FSHR: variants seen among roughly 807,000 people sequenced by gnomAD.
The protein encoded by FSHR is follicle stimulating hormone receptor.
Under a neutral mutation model 52.1 loss-of-function variants are expected in FSHR, and 46 were observed. The ratio of observed to expected loss-of-function variants is 0.88; its 90% CI spans 0.70 to 1.13. FSHR has a LOEUF of 1.13. Ranked by LOEUF, FSHR falls within the 50% of genes most tolerant of loss-of-function variation. FSHR has a pLI of 0.00. For missense variants in FSHR, 964 were observed against 834.6 expected, an observed-to-expected ratio of 1.16 and a Z score of -1.91; for synonymous variants, 399 against 309.6, an observed-to-expected ratio of 1.29 and a Z score of -3.03.
intron 1 of FSHR, among the ~76,000 whole-genome samples, chr2:49,105,697 G>A (rs780056794): frequency 6.6e-5 from 10 of 152,174 alleles, no homozygotes; most frequent in Non-Finnish European, 1.3e-4. Context: ...GGACAAAGCA[G>A]TGCTGTCTTT....
chr2:49,086,127 A>T (rs1161110547), intron 1 of FSHR, among the ~76,000 whole-genome samples: 1 of 152,180 alleles, frequency 6.6e-6, no homozygotes, highest in African/African-American at 2.4e-5. Flanking sequence ...AAAAATATAG[A>T]AAGGTTTTCT....
chr2:49,065,600 T>G (rs1439721115), intron 2 of FSHR, among the ~76,000 whole-genome samples: 3 of 152,088 alleles, frequency 2.0e-5, no homozygotes, highest in Non-Finnish European at 2.9e-5. Flanking sequence ...ATTCCAGGTA[T>G]TTGCAGTTCA....
intron 4 of FSHR, among the ~76,000 whole-genome samples, chr2:49,006,388 A>C (rs1474558330): frequency 6.6e-6 from 1 of 151,966 alleles, no homozygotes; most frequent in Non-Finnish European, 1.5e-5. Context: ...TCTCTGCCTT[A>C]ATTTTTCTCC....
intron 9 of FSHR, among the ~76,000 whole-genome samples, chr2:48,967,990 A>G (rs1365614438): frequency 1.3e-5 from 2 of 152,240 alleles, no homozygotes; most frequent in Non-Finnish European, 2.9e-5. Context: ...CTTACCTCCA[A>G]TGGATCATTT....
chr2:49,095,314 A>G (rs1670782412), intron 1 of FSHR, among the ~76,000 whole-genome samples: 1 of 152,152 alleles, frequency 6.6e-6, no homozygotes, highest in African/African-American at 2.4e-5. Flanking sequence ...GAGTCCGGAA[A>G]TAAGCCCATC....
At chr2:49,009,402 G>C (rs371470532) in intron 4 of FSHR, among the ~76,000 whole-genome samples, 5 of 151,794 alleles carry the variant, frequency 3.3e-5, no homozygotes, top group Non-Finnish European at 5.9e-5. Flanking sequence ...GTTTTGGTAC[G>C]AGTACCATGC....
chr2:49,116,019 G>A (rs1671584608), intron 1 of FSHR, among the ~76,000 whole-genome samples: 1 of 152,108 alleles, frequency 6.6e-6, no homozygotes, highest in South Asian at 2.1e-4. Flanking sequence ...ATGTCATCAG[G>A]GCAGAGAAGA....
At chr2:49,079,461 A>G (rs1670081019) in intron 1 of FSHR, among the ~76,000 whole-genome samples, 1 of 152,158 alleles carries the variant, frequency 6.6e-6, no homozygotes, top group African/African-American at 2.4e-5. Flanking sequence ...GAAGTAGATC[A>G]AGATTGAGGG....
At chr2:49,088,515 G>C (rs34201686) in intron 1 of FSHR, among the ~76,000 whole-genome samples, 5 of 152,026 alleles carry the variant, frequency 3.3e-5, no homozygotes, top group African/African-American at 1.2e-4. Context: ...CCTTACTTTT[G>C]CTCTGTCAGT....
intron 1 of FSHR, among the ~76,000 whole-genome samples, chr2:49,077,914 C>A (rs543195512): frequency 6.6e-6 from 1 of 152,204 alleles, no homozygotes; most frequent in Non-Finnish European, 1.5e-5. Context: ...ATATCACTAT[C>A]AGCATTTTTG....
intron 4 of FSHR, among the ~76,000 whole-genome samples, chr2:49,003,469 C>T (rs1666976198): frequency 6.6e-6 from 1 of 152,162 alleles, no homozygotes; most frequent in South Asian, 2.1e-4. Flanking sequence ...TGCAGACTTG[C>T]CCTTGGGGAA....
chr2:49,048,302 G>GA (rs147089907), intron 2 of FSHR, among the ~76,000 whole-genome samples: 10,838 of 151,564 alleles, frequency 0.072, 596 homozygotes, highest in East Asian at 0.22. Flanking sequence ...TTTTCTTATA[G>GA]AAAAAAAACC....
At chr2:49,024,277 T>TA (rs953411656) in intron 2 of FSHR, among the ~76,000 whole-genome samples, 2,105 of 146,628 alleles carry the variant, frequency 0.014, 39 homozygotes, top group Middle Eastern at 0.046. Context: ...AAAGTAAAAT[T>TA]AAAAAAAAAA....
chr2:49,090,775 C>T (rs1443290035), intron 1 of FSHR, among the ~76,000 whole-genome samples: 1 of 152,148 alleles, frequency 6.6e-6, no homozygotes, highest in African/African-American at 2.4e-5. Flanking sequence ...TGTCAGCATG[C>T]AGTAGTCAGT....
chr2:49,142,532 C>T (rs1672724011), intron 1 of FSHR, among the ~76,000 whole-genome samples: 1 of 152,224 alleles, frequency 6.6e-6, no homozygotes, highest in South Asian at 2.1e-4. Flanking sequence ...GTTTTGCTCA[C>T]TCCTGACTCT....
intron 1 of FSHR, among the ~76,000 whole-genome samples, chr2:49,118,362 C>T (rs543129506): frequency 4.9e-4 from 74 of 152,238 alleles, no homozygotes; most frequent in African/African-American, 1.6e-3. Flanking sequence ...CCCTCCTCAA[C>T]TCAACTAGTG....
At chr2:49,096,548 C>G (rs1046331576) in intron 1 of FSHR, among the ~76,000 whole-genome samples, 1 of 152,076 alleles carries the variant, frequency 6.6e-6, no homozygotes, top group African/African-American at 2.4e-5. Flanking sequence ...GGTTGCAAAA[C>G]CTAGCAAATG....
chr2:49,037,317 T>C (rs1668303427), intron 2 of FSHR, among the ~76,000 whole-genome samples: 1 of 152,270 alleles, frequency 6.6e-6, no homozygotes, highest in Non-Finnish European at 1.5e-5. Context: ...AAAATTAAAA[T>C]GCTTGATAGC....
intron 1 of FSHR, among the ~76,000 whole-genome samples, chr2:49,151,570 G>C (rs17038373): frequency 0.29 from 43,446 of 151,968 alleles, 6,514 homozygotes; most frequent in East Asian, 0.47. Context: ...TGGAATGATA[G>C]GATAAAAATG....
Sources: gnomAD v4.1 joint callset for allele counts (sites outside exome capture counted in the v4.1 genomes callset) on GRCh38, gnomAD v4.1.1 for gene constraint, MANE v1.5 for transcripts, NCBI Gene and HGNC (gene_info 2026-07-23, HGNC 2026-07-21) for gene names.